The following GNG7 variants were observed in gnomAD, a reference collection of about 807,000 sequenced individuals.
The protein encoded by GNG7 is G protein subunit gamma 7.
GNG7 carries 1 observed loss-of-function variant against 4.0 expected under a neutral mutation model. The ratio of observed to expected loss-of-function variants is 0.25; its 90% CI spans 0.09 to 1.18. GNG7 has a LOEUF of 1.18. Ranked by LOEUF, GNG7 falls within the 50% of genes most tolerant of loss-of-function variation. The probability of loss-of-function intolerance (pLI) is 0.50; values close to 1 mark genes in which losing one functional copy is unlikely to be tolerated. For synonymous variants in GNG7, 34 were observed against 36.9 expected (o/e 0.92, Z 0.29); for missense variants, 86 against 91.9 (o/e 0.94, Z 0.26).
chr19:2,661,072 G>A (rs1047644692), intron 1 of GNG7, among the ~76,000 whole-genome samples: 7 of 151,524 alleles, frequency 4.6e-5, no homozygotes, highest in Admixed American at 2.0e-4. Context: ...TTAGCCGGGC[G>A]TGGTGGTGCA....
At chr19:2,539,779 A>C (rs898378630) in intron 3 of GNG7, among the ~76,000 whole-genome samples, 1 of 152,066 alleles carries the variant, frequency 6.6e-6, no homozygotes, top group Non-Finnish European at 1.5e-5. Context: ...GGCCTTGCTC[A>C]TCCAGTGGCC....
chr19:2,622,338 C>T (rs934466173), intron 2 of GNG7, among the ~76,000 whole-genome samples: 4 of 152,222 alleles, frequency 2.6e-5, no homozygotes, highest in African/African-American at 9.7e-5. Context: ...GTCGGCCTCC[C>T]AAAGTGCTGG....
chr19:2,575,485 A>T (rs1980279838), intron 2 of GNG7, among the ~76,000 whole-genome samples: 1 of 151,292 alleles, frequency 6.6e-6, no homozygotes, highest in Non-Finnish European at 1.5e-5. Flanking sequence ...ACGCAGGCAC[A>T]TGCAGACACG....
In GNG7 at chr19:2,581,447, G is replaced by A. The variant is rs546660349; in HGVS notation, c.-77-26259C>T. Among the ~76,000 whole-genome samples the A allele has an allele frequency of 3.9e-5, 6 of 152,238 alleles. No homozygotes were observed. In the South Asian group the frequency reaches 1.2e-3, roughly 32 times the overall value. On this transcript the variant is annotated intron_variant, in intron 2 of 4. Transcript: ENST00000382159. ...GAGATACTGAGTTCCCAAACCACAGGGGGGTGAGAACAGGTCTGAGGCTGT... is the reference window on the plus strand; with the variant it reads ...GAGATACTGAGTTCCCAAACCACAGAGGGGTGAGAACAGGTCTGAGGCTGT...
At chr19:2,568,364 TACACACATATAG>T (rs1456860554) in intron 2 of GNG7, among the ~76,000 whole-genome samples, 2 of 149,336 alleles carry the variant, frequency 1.3e-5, no homozygotes, top group Admixed American at 1.3e-4. Context: ...CACGTGCACA[TACACACATATAG>T]ACACACATAT....
At chr19:2,532,162 CA>C (rs71178286) in intron 3 of GNG7, among the ~76,000 whole-genome samples, 15,488 of 120,528 alleles carry the variant, frequency 0.13, 1,173 homozygotes, top group East Asian at 0.26. Flanking sequence ...AAAAAAAAAA[CA>C]AAAAAAAAAA....
intron 1 of GNG7, among the ~76,000 whole-genome samples, chr19:2,687,323 G>A (rs1983896874): frequency 6.6e-6 from 1 of 152,134 alleles, no homozygotes; most frequent in African/African-American, 2.4e-5. Context: ...GCCTCCCAAA[G>A]TGCTGGGGTT....
chr19:2,637,215 C>CCCG (rs1982336268), intron 2 of GNG7, among the ~76,000 whole-genome samples: 2 of 151,702 alleles, frequency 1.3e-5, no homozygotes, highest in Admixed American at 6.6e-5. Flanking sequence ...AACAGGCTCC[C>CCCG]CCCGCCCCCG....
chr19:2,622,049 C>G (rs978125027), intron 2 of GNG7, among the ~76,000 whole-genome samples: 3 of 151,672 alleles, frequency 2.0e-5, no homozygotes, highest in Admixed American at 6.6e-5. Flanking sequence ...TCGATTCCCT[C>G]TGCCTGCCCA....
intron 1 of GNG7, among the ~76,000 whole-genome samples, chr19:2,655,982 G>A (rs992659709): frequency 6.9e-6 from 1 of 145,422 alleles, no homozygotes; most frequent in African/African-American, 2.6e-5. Flanking sequence ...CCAGGATCGT[G>A]CCACTGCACT....
chr19:2,689,346 A>C (rs11883103), intron 1 of GNG7, among the ~76,000 whole-genome samples: 1 of 151,618 alleles, frequency 6.6e-6, no homozygotes, highest in East Asian at 2.0e-4. Context: ...ACAAGACCAC[A>C]TTTGGGCCGG....
chr19:2,669,153 C>A (rs1218697206), intron 1 of GNG7, among the ~76,000 whole-genome samples: 1 of 152,092 alleles, frequency 6.6e-6, no homozygotes, highest in Middle Eastern at 3.2e-3. Flanking sequence ...GTAACAGAGA[C>A]CCCTATGCTG....
At chr19:2,571,588 C>CTTTTTTTTT (rs779497111) in intron 2 of GNG7, among the ~76,000 whole-genome samples, 17 of 68,016 alleles carry the variant, frequency 2.5e-4, no homozygotes, top group Non-Finnish European at 3.4e-4. Context: ...CATTTCTTTC[C>CTTTTTTTTT]TTTTTTTTTT....
At chr19:2,581,684 C>A (rs1397431503) in intron 2 of GNG7, among the ~76,000 whole-genome samples, 1 of 152,202 alleles carries the variant, frequency 6.6e-6, no homozygotes, top group South Asian at 2.1e-4. Context: ...CAACAAGATG[C>A]CTGGCCAGGC....
chr19:2,590,856 C>T (rs1367553464), intron 2 of GNG7, among the ~76,000 whole-genome samples: 1 of 148,714 alleles, frequency 6.7e-6, no homozygotes, highest in Non-Finnish European at 1.5e-5. Context: ...CATCCACCCA[C>T]CCATCCATTC....
intron 2 of GNG7, among the ~76,000 whole-genome samples, chr19:2,625,988 A>G (rs1982011618): frequency 6.6e-6 from 1 of 151,304 alleles, no homozygotes; most frequent in Non-Finnish European, 1.5e-5. Flanking sequence ...GGGTTTCACT[A>G]TGTTGGCCAG....
At chr19:2,645,586 A>G (rs762432972) in intron 2 of GNG7, among the ~76,000 whole-genome samples, 23 of 152,018 alleles carry the variant, frequency 1.5e-4, no homozygotes, top group Non-Finnish European at 3.4e-4. Context: ...TTTTTAAGTA[A>G]GTTCACCAGG....
chr19:2,593,927 C>CAA (rs1599410677), intron 2 of GNG7, among the ~76,000 whole-genome samples: 1 of 26,308 alleles, frequency 3.8e-5, no homozygotes. Context: ...ATATTTGATG[C>CAA]CAAAAAAAAA....
chr19:2,593,550 C>A (rs1348076437), intron 2 of GNG7, among the ~76,000 whole-genome samples: 1 of 151,954 alleles, frequency 6.6e-6, no homozygotes, highest in Non-Finnish European at 1.5e-5. Flanking sequence ...TCGAGACCAG[C>A]CCGGGCAACA....
Sources: gnomAD v4.1 joint callset for allele counts (sites outside exome capture counted in the v4.1 genomes callset) on GRCh38, gnomAD v4.1.1 for gene constraint, MANE v1.5 for transcripts, NCBI Gene and HGNC (gene_info 2026-07-23, HGNC 2026-07-21) for gene names.